Variants in DLEC1 observed in about 807,000 individuals in gnomAD.
The protein encoded by DLEC1 is deleted in lung and esophageal cancer protein 1.
Under a neutral mutation model 198.1 loss-of-function variants are expected in DLEC1, and 146 were observed. The ratio of observed to expected loss-of-function variants is 0.74; its 90% CI spans 0.64 to 0.85. DLEC1 has a LOEUF of 0.85. Among genes scored for constraint, DLEC1 ranks in the 40% least tolerant of loss-of-function variants. The pLI is 0.00. For missense variants in DLEC1, 2,233 were observed against 2,220.0 expected, an observed-to-expected ratio of 1.01 and a Z score of -0.12; for synonymous variants, 897 against 866.8, an observed-to-expected ratio of 1.03 and a Z score of -0.61.
At position 38,122,861 on chromosome 3, in the gene DLEC1, C is replaced by A; in HGVS notation, c.*449C>A. ...AGAGGGTCTGATGGGTGGCTCAACA[C>A]CCCACCCACTCCTATACCATGTCAT... On this transcript the variant is annotated 3_prime_UTR_variant, in exon 37 of 37. Transcript: ENST00000308059. 1 of 783,092 alleles carries A rather than the reference C, an allele frequency of 1.3e-6. No homozygotes were observed. The highest frequency in any genetic ancestry group is 2.7e-5 in the East Asian group (1 of 36,784). The allele number at this position is 783,092 out of a possible 1,614,324, so 48.5% of individuals were successfully genotyped here.
chr3:38,064,174 G>T (rs905200686), intron 6 of DLEC1, among the ~76,000 whole-genome samples: 2 of 151,918 alleles, frequency 1.3e-5, no homozygotes, highest in African/African-American at 4.8e-5. Context: ...CGCAGTGTTT[G>T]TGTCCCTGGG....
chr3:38,092,625 T>C (rs930830268), intron 10 of DLEC1, among the ~76,000 whole-genome samples, 165 bp from the exon 11 acceptor site: 3 of 151,964 alleles, frequency 2.0e-5, no homozygotes, highest in Admixed American at 6.5e-5. Context: ...GGGGTGGAGC[T>C]AGGGTAAAAC....
Position 38,085,415 on chromosome 3 carries a change from T to G in DLEC1, c.1403T>G (p.Leu468Arg). The G allele has an allele frequency of 6.2e-7, 1 of 1,614,028 alleles. No homozygotes were observed. The highest frequency in any genetic ancestry group is 8.5e-7 in the Non-Finnish European group (1 of 1,179,994). Residue 468 changes from leucine to arginine, a missense_variant, in exon 8 of 37, where the codon CTG becomes CGG. Leu to Arg is a moderately radical substitution (Grantham distance 102). Coordinates refer to ENST00000308059, the MANE Select transcript of DLEC1 (RefSeq NM_007335.4). ...TCAGCCCACACACTTCTGATCCCCCTGCAGGCCCGGAGGCCGCCCCCCGTG... is the reference window on the plus strand; with the variant it reads ...TCAGCCCACACACTTCTGATCCCCCGGCAGGCCCGGAGGCCGCCCCCCGTG... ...TQSAHTLLIP[L>R]QARRPPPVLT... is the part of the protein sequence containing the mutation.
At chr3:38,074,502 TA>T (rs1697498935) in intron 6 of DLEC1, among the ~76,000 whole-genome samples, 2 of 152,262 alleles carry the variant, frequency 1.3e-5, no homozygotes, top group Non-Finnish European at 1.5e-5. Context: ...TTTTCGTCTT[TA>T]CCTTGGGTAG....
chr3:38,057,817 CTTTTTTT>C (rs71094945), intron 2 of DLEC1, among the ~76,000 whole-genome samples: 1 of 132,832 alleles, frequency 7.5e-6, no homozygotes, highest in African/African-American at 2.8e-5. Context: ...TGTATTATTC[CTTTTTTT>C]TTTTTTTTTT....
rs1178563405 is a variant in DLEC1, at chr3:38,097,233, G to A, written c.2392G>A (p.Asp798Asn). ...PIRYLWGKIS[D>N]CHIIEVEPGT... is the part of the protein sequence containing the mutation. ...CAGATACCTGTGGGGGAAGATCAGC[G>A]ACTGCCACATCATTGAAGTGGAGCC... Residue 798 changes from aspartate (D) to asparagine (N), a missense_variant, in exon 16 of 37, where the codon GAC becomes AAC. Transcript: ENST00000308059. The A allele has an allele frequency of 2.8e-5, 45 of 1,587,672 alleles. No individual in the cohort carries two copies. Among genetic ancestry groups the A allele is most frequent in the Non-Finnish European group, 3.6e-5 (42 of 1,165,898 alleles).
intron 35 of DLEC1, 53 bp downstream of exon 35, chr3:38,121,834 A>G (rs1383858725): frequency 2.5e-6 from 4 of 1,590,534 alleles, no homozygotes; most frequent in Non-Finnish European, 3.4e-6. Context: ...CTGTGCCAAG[A>G]GAAGACCCCC....
chr3:38,079,165 T>C (rs898951042), intron 6 of DLEC1, among the ~76,000 whole-genome samples: 1 of 151,870 alleles, frequency 6.6e-6, no homozygotes, highest in Non-Finnish European at 1.5e-5. Context: ...AGGCTTTGGA[T>C]TGGGAAGAAG....
In DLEC1 at chr3:38,117,790, C is replaced by T; in HGVS notation, c.4486-16C>T. 1 of 1,614,050 alleles carries T rather than the reference C, an allele frequency of 6.2e-7. No individual in the cohort carries two copies. Among genetic ancestry groups the T allele is most frequent in the Non-Finnish European group, 8.5e-7 (1 of 1,179,944 alleles). On this transcript the variant is annotated splice_polypyrimidine_tract_variant and intron_variant, in intron 32 of 36. Transcript: ENST00000308059. Reference sequence around the variant, plus strand: ...ACAAGATGCATTCCCTGCCTCCTACCTCTGTGGCTGCCCAGGTGCTGAGTG... The same window carrying T: ...ACAAGATGCATTCCCTGCCTCCTACTTCTGTGGCTGCCCAGGTGCTGAGTG...
At chr3:38,046,666 T>C (rs1478060659) in intron 2 of DLEC1, among the ~76,000 whole-genome samples, 1 of 152,228 alleles carries the variant, frequency 6.6e-6, no homozygotes, top group East Asian at 1.9e-4. Flanking sequence ...CAGGCACTTA[T>C]GCATGGCCTT....
intron 34 of DLEC1, among the ~76,000 whole-genome samples, chr3:38,120,856 T>C (rs1449433404): frequency 6.6e-6 from 1 of 152,138 alleles, no homozygotes; most frequent in Admixed American, 6.5e-5. Context: ...GAAGGCTCCC[T>C]GCGGGAGGAA....
At chr3:38,106,214 C>G (rs973815395) in intron 19 of DLEC1, among the ~76,000 whole-genome samples, 2 of 152,086 alleles carry the variant, frequency 1.3e-5, no homozygotes, top group African/African-American at 4.8e-5. Context: ...TTTATTCTGT[C>G]TTTGTATTTA....
rs1340446668 is a variant in DLEC1, at chr3:38,120,575, A to C, written c.4832A>C (p.Asn1611Thr). 10 of 1,613,716 alleles carry C rather than the reference A, an allele frequency of 6.2e-6. No homozygotes were observed. In the African/African-American group the frequency reaches 8.0e-5, roughly 13 times the overall value. ...GAGAGAGAGATGGTGTTTACTCAGA[A>C]CCTGCTCCTGGAGTACACCAACCAG... ...SGEREMVFTQ[N>T]LLLEYTNQTT... The change falls in exon 34 of 37, where the codon AAC (asparagine) becomes ACC (threonine). Residue 1611 changes from asparagine (N) to threonine (T), a missense_variant. By Grantham distance (65) the Asn-to-Thr change is moderately conservative (BLOSUM62 0). Coordinates refer to ENST00000308059, the MANE Select transcript of DLEC1 (RefSeq NM_007335.4).
intron 6 of DLEC1, among the ~76,000 whole-genome samples, chr3:38,064,870 G>A: frequency 6.6e-6 from 1 of 151,954 alleles, no homozygotes; most frequent in Non-Finnish European, 1.5e-5. Context: ...CGGCCGGGCA[G>A]AGGGGCTCCT....
chr3:38,079,815 G>A lies in DLEC1; in HGVS notation c.1174-4343G>A, dbSNP rs956349877. 3.9e-5 allele frequency among the ~76,000 whole-genome samples: 6 copies of A among 152,184 alleles called. No individual in the cohort carries two copies. In the South Asian group the frequency reaches 1.2e-3, roughly 32 times the overall value. On this transcript the variant is annotated intron_variant, in intron 6 of 36. Coordinates refer to ENST00000308059, the MANE Select transcript of DLEC1 (RefSeq NM_007335.4). The stretch of plus-strand genomic sequence containing the variant: ...AGGCGTTTGGAAGTTCTCGTGTGCT[G>A]GAGATGTGGCTGGGGTTTGTCTCAC...
At chr3:38,040,280 T>A (rs1471995720) in intron 1 of DLEC1, among the ~76,000 whole-genome samples, 2 of 152,196 alleles carry the variant, frequency 1.3e-5, no homozygotes, top group African/African-American at 4.8e-5. Context: ...GTGACATGCA[T>A]CCCACGTCGT....
chr3:38,064,473 A>T (rs936696594), intron 6 of DLEC1, among the ~76,000 whole-genome samples: 2 of 152,086 alleles, frequency 1.3e-5, no homozygotes, highest in Non-Finnish European at 2.9e-5. Context: ...CCCCTTTTCT[A>T]TTTGACAAAA....
chr3:38,039,419 G>A lies in DLEC1; in HGVS notation c.194G>A (p.Arg65His), dbSNP rs1009443837. Residue 65 changes from arginine to histidine, a missense_variant, in exon 1 of 37, where the codon CGC (arginine) becomes CAC (histidine). Coordinates refer to ENST00000308059, the MANE Select transcript of DLEC1 (RefSeq NM_007335.4). ...TACAGCTTCGCAGCCCGGCCCCGCCGCCTCACGCAGCTTGCGCTGGCGCAG... is the reference window on the plus strand; with the variant it reads ...TACAGCTTCGCAGCCCGGCCCCGCCACCTCACGCAGCTTGCGCTGGCGCAG... Reference protein sequence around the residue: ...FHYSFAARPRRLTQLALAQRP... With the variant: ...FHYSFAARPRHLTQLALAQRP... The A allele has an allele frequency of 8.1e-6, 13 of 1,613,674 alleles. No individual in the cohort carries two copies. Among genetic ancestry groups the A allele is most frequent in the African/African-American group, 2.7e-5 (2 of 74,936 alleles).
chr3:38,116,551 CA>C lies in DLEC1; in HGVS notation c.3957del (p.Ala1320ProfsTer111). On this transcript the variant is annotated frameshift_variant, in exon 28 of 37. Coordinates refer to ENST00000308059, the MANE Select transcript of DLEC1 (RefSeq NM_007335.4). LOFTEE classifies it high-confidence loss of function. ...TGGGCCACCTTTCCCGCTGCGGGACCAAGCCGGGAATGAGCTTGTGTGCCCT... is the reference window on the plus strand; with the variant it reads ...TGGGCCACCTTTCCCGCTGCGGGACCAGCCGGGAATGAGCTTGTGTGCCCT... ...FYGPPFPLRD[Q>X]AGNELVCPDT... The C allele has an allele frequency of 6.2e-7, 1 of 1,614,116 alleles. No homozygotes were observed. Among genetic ancestry groups the C allele is most frequent in the South Asian group, 1.1e-5 (1 of 91,084 alleles).
Sources: gnomAD v4.1 joint callset for allele counts (sites outside exome capture counted in the v4.1 genomes callset) on GRCh38, gnomAD v4.1.1 for gene constraint, MANE v1.5 for transcripts, NCBI Gene and HGNC (gene_info 2026-07-23, HGNC 2026-07-21) for gene names.